Variants in KAZN observed in about 807,000 individuals in gnomAD.
KAZN encodes the protein kazrin.
KAZN carries 40 observed loss-of-function variants against 87.4 expected under a neutral mutation model. That is an observed-to-expected ratio of 0.46 (90% confidence interval 0.36 to 0.60). The LOEUF (loss-of-function observed/expected upper bound fraction) is 0.60, where lower values mean the gene tolerates loss of function less well. Among genes scored for constraint, KAZN ranks in the 20% least tolerant of loss-of-function variants. The pLI, the probability that KAZN is intolerant of heterozygous loss-of-function variation, is 0.00. For synonymous variants in KAZN, 466 were observed against 458.3 expected (o/e 1.02, Z -0.22); for missense variants, 898 against 1,073.9 (o/e 0.84, Z 2.29).
chr1:14,348,481 G>A (rs1033599131), intron 2 of KAZN, among the ~76,000 whole-genome samples: 14 of 152,198 alleles, frequency 9.2e-5, no homozygotes, highest in African/African-American at 3.4e-4. Flanking sequence ...TTACCTGGAG[G>A]ATTTTCCATG....
At chr1:14,513,966 A>G (rs1437444695) in intron 2 of KAZN, among the ~76,000 whole-genome samples, 1 of 152,002 alleles carries the variant, frequency 6.6e-6, no homozygotes, top group Non-Finnish European at 1.5e-5. Flanking sequence ...CTACATATTT[A>G]ACCATTTGAA....
chr1:14,393,801 A>T (rs1436905591), intron 2 of KAZN, among the ~76,000 whole-genome samples: 1 of 143,580 alleles, frequency 7.0e-6, no homozygotes, highest in Non-Finnish European at 1.5e-5. Flanking sequence ...AAGCCACTGC[A>T]CTCCACACTC....
intron 1 of KAZN, among the ~76,000 whole-genome samples, chr1:14,890,106 G>A (rs1654538749): frequency 6.6e-6 from 1 of 152,204 alleles, no homozygotes; most frequent in African/African-American, 2.4e-5. Flanking sequence ...GCTTACCACA[G>A]GGACCCTGAG....
intron 1 of KAZN, among the ~76,000 whole-genome samples, chr1:13,956,310 CTTT>C (rs71576051): frequency 7.2e-6 from 1 of 138,532 alleles, no homozygotes. Flanking sequence ...TCTTTTTTTT[CTTT>C]TTTTTTTTTT....
At chr1:14,417,496 A>T (rs1167392795) in intron 2 of KAZN, among the ~76,000 whole-genome samples, 1 of 152,198 alleles carries the variant, frequency 6.6e-6, no homozygotes, top group Non-Finnish European at 1.5e-5. Context: ...GTATTTGTCC[A>T]GTGCCATGGA....
chr1:14,218,108 G>A (rs1279200269), intron 2 of KAZN, among the ~76,000 whole-genome samples: 3 of 152,048 alleles, frequency 2.0e-5, no homozygotes, highest in Non-Finnish European at 4.4e-5. Flanking sequence ...TATAGTAGAA[G>A]AATTGCTAAT....
At chr1:14,883,852 C>G (rs929258589) in intron 1 of KAZN, among the ~76,000 whole-genome samples, 1 of 152,164 alleles carries the variant, frequency 6.6e-6, no homozygotes, top group Non-Finnish European at 1.5e-5. Flanking sequence ...AATCATCAAA[C>G]ACCCCTTACG....
At chr1:14,757,532 C>T (rs1237844507) in intron 1 of KAZN, among the ~76,000 whole-genome samples, 1 of 152,180 alleles carries the variant, frequency 6.6e-6, no homozygotes, top group Non-Finnish European at 1.5e-5. Flanking sequence ...GTAGCAACCA[C>T]CTCCTAGAGT....
chr1:14,180,553 T>C (rs1570952076), exon 2 of KAZN: 3 of 1,549,520 alleles, frequency 1.9e-6, no homozygotes, highest in African/African-American at 1.4e-5. Context: ...CTCTGAAGAG[T>C]TCCATGATAT....
chr1:15,073,716 C>A (rs1411246081), intron 8 of KAZN, among the ~76,000 whole-genome samples: 1 of 152,198 alleles, frequency 6.6e-6, no homozygotes, highest in Non-Finnish European at 1.5e-5. Context: ...AGGAGTCAAA[C>A]CTGAGTGAGA....
chr1:14,961,705 A>G (rs1182264016), intron 2 of KAZN, among the ~76,000 whole-genome samples: 1 of 152,218 alleles, frequency 6.6e-6, no homozygotes, highest in Non-Finnish European at 1.5e-5. Context: ...TCTTCTAGAA[A>G]AGACAATAAA....
At chr1:14,500,720 A>C (rs1670189957) in intron 2 of KAZN, among the ~76,000 whole-genome samples, 1 of 152,174 alleles carries the variant, frequency 6.6e-6, no homozygotes. Context: ...TGAAGACTCA[A>C]ATGACTTAAA....
rs556708109 is a variant in KAZN, at chr1:14,527,804, C to T, written c.250-71179C>T. Among the ~76,000 whole-genome samples the T allele has an allele frequency of 4.2e-4, 64 of 152,156 alleles. 1 individual carries two copies. In the South Asian group the frequency reaches 0.012, roughly 30 times the overall value. On this transcript the variant is annotated intron_variant, in intron 2 of 16. Transcript: ENST00000636203. ...TAGAGTGAGAACTCCCTCATTACCA[C>T]GAGGATGACACCAAACTATTCATGA...
intron 1 of KAZN, among the ~76,000 whole-genome samples, chr1:13,893,978 G>A (rs1003793609): frequency 6.6e-6 from 1 of 152,172 alleles, no homozygotes; most frequent in African/African-American, 2.4e-5. Flanking sequence ...GAGACAACGC[G>A]CTGCTTTTGC....
intron 1 of KAZN, among the ~76,000 whole-genome samples, chr1:14,100,427 A>C (rs1441082684): frequency 2.0e-5 from 3 of 152,206 alleles, no homozygotes; most frequent in Non-Finnish European, 4.4e-5. Context: ...GCTGTAGTTT[A>C]TTACAGCAAA....
At chr1:14,584,727 C>T (rs1017490442) in intron 2 of KAZN, among the ~76,000 whole-genome samples, 3 of 152,106 alleles carry the variant, frequency 2.0e-5, no homozygotes, top group Admixed American at 6.5e-5. Context: ...TCACTGCAAC[C>T]TCTGCCTCCT....
intron 1 of KAZN, among the ~76,000 whole-genome samples, chr1:14,848,258 G>A (rs1649010162): frequency 6.6e-6 from 1 of 152,008 alleles, no homozygotes; most frequent in Admixed American, 6.6e-5. Context: ...CCAAGATGAT[G>A]TCACCAAGTT....
At chr1:15,004,776 T>C (rs983910799) in intron 2 of KAZN, among the ~76,000 whole-genome samples, 6 of 152,134 alleles carry the variant, frequency 3.9e-5, no homozygotes, top group Non-Finnish European at 8.8e-5. Context: ...TAAGCGCTCA[T>C]TGACCAGGTG....
rs192313565 is a variant in KAZN at position 14,768,537 on chromosome 1, T to G, written c.226+169314T>G. 2.0e-5 allele frequency among the ~76,000 whole-genome samples: 3 copies of G among 152,310 alleles called. No homozygotes were observed. The East Asian group carries it at 5.8e-4, about 29-fold the overall frequency. On this transcript the variant is annotated intron_variant, in intron 1 of 14. Transcript: ENST00000376030. ...AAGACAAATGAGATTCAAACAGACGTAAGATTTCAAGTGGTCTCCACTTCC... is the reference window on the plus strand; with the variant it reads ...AAGACAAATGAGATTCAAACAGACGGAAGATTTCAAGTGGTCTCCACTTCC...
Sources: gnomAD v4.1 joint callset for allele counts (sites outside exome capture counted in the v4.1 genomes callset) on GRCh38, gnomAD v4.1.1 for gene constraint, MANE v1.5 for transcripts, NCBI Gene and HGNC (gene_info 2026-07-23, HGNC 2026-07-21) for gene names.